The following VPS13B variants were observed in gnomAD, a reference collection of about 807,000 sequenced individuals.
The protein encoded by VPS13B is intermembrane lipid transfer protein VPS13B.
In VPS13B, 285 loss-of-function variants were observed where a neutral mutation model predicts 426.4. That is an observed-to-expected ratio of 0.67 (90% CI 0.61 to 0.74). The LOEUF (loss-of-function observed/expected upper bound fraction) is 0.74, where lower values mean the gene tolerates loss of function less well. VPS13B is among the 30% of genes least tolerant of loss of function. The pLI, the probability that VPS13B is intolerant of heterozygous loss-of-function variation, is 0.00. For synonymous variants in VPS13B, 1,676 were observed against 1,676.4 expected (o/e 1.00, Z 0.01); for missense variants, 4,537 against 4,782.6 (o/e 0.95, Z 1.51).
intron 2 of VPS13B, among the ~76,000 whole-genome samples, chr8:99,030,867 C>G (rs1842478218): frequency 6.6e-6 from 1 of 152,026 alleles, no homozygotes; most frequent in African/African-American, 2.4e-5. Context: ...TAGTAGTGTA[C>G]TAATTTGATA....
At chr8:99,509,135 A>G (rs1330394497) in intron 28 of VPS13B, among the ~76,000 whole-genome samples, 1 of 152,138 alleles carries the variant, frequency 6.6e-6, no homozygotes, top group African/African-American at 2.4e-5. Context: ...AGACAACATC[A>G]CTGTGATCAC....
At chr8:99,308,750 C>T (rs188385005) in intron 19 of VPS13B, among the ~76,000 whole-genome samples, 5 of 152,258 alleles carry the variant, frequency 3.3e-5, no homozygotes, top group African/African-American at 7.2e-5. Context: ...CCTGAGGAAT[C>T]GCCACACTGT....
At chr8:99,770,121 T>A (rs1272038934) in intron 40 of VPS13B, among the ~76,000 whole-genome samples, 1 of 152,116 alleles carries the variant, frequency 6.6e-6, no homozygotes, top group Non-Finnish European at 1.5e-5. Flanking sequence ...ATCACACCAC[T>A]GCACTCCAGC....
intron 33 of VPS13B, among the ~76,000 whole-genome samples, chr8:99,600,197 G>T (rs570731495): frequency 3.9e-5 from 6 of 152,012 alleles, no homozygotes; most frequent in Non-Finnish European, 8.8e-5. Flanking sequence ...TTTTATATAG[G>T]TTAACTCCTT....
intron 31 of VPS13B, among the ~76,000 whole-genome samples, chr8:99,572,692 T>C (rs1351255445): frequency 6.6e-6 from 1 of 152,194 alleles, no homozygotes; most frequent in Admixed American, 6.5e-5. Flanking sequence ...TTTCTTAATC[T>C]AGTCTATCAT....
intron 42 of VPS13B, among the ~76,000 whole-genome samples, chr8:99,782,329 G>C (rs1024049334): frequency 3.3e-5 from 5 of 151,978 alleles, no homozygotes; most frequent in Admixed American, 6.6e-5. Context: ...AAACTGTAAA[G>C]AATAAAAACT....
intron 39 of VPS13B, among the ~76,000 whole-genome samples, chr8:99,751,520 G>T (rs1032209689): frequency 6.6e-6 from 1 of 152,130 alleles, no homozygotes; most frequent in African/African-American, 2.4e-5. Flanking sequence ...ACGTTTGTAA[G>T]TTCTATGAAG....
At chr8:99,523,409 G>A (rs559045502) in intron 30 of VPS13B, among the ~76,000 whole-genome samples, 2 of 152,330 alleles carry the variant, frequency 1.3e-5, no homozygotes, top group Admixed American at 1.3e-4. Context: ...GGCATTGGGT[G>A]GGACCCAGTG....
intron 22 of VPS13B, 44 bp downstream of exon 22, chr8:99,431,708 C>T: frequency 6.3e-7 from 1 of 1,578,554 alleles, no homozygotes; most frequent in Non-Finnish European, 8.6e-7. Flanking sequence ...TTTCTATAAT[C>T]CTTTTTAATT....
chr8:99,387,202 A>G (rs1405791980), intron 20 of VPS13B, among the ~76,000 whole-genome samples: 1 of 152,032 alleles, frequency 6.6e-6, no homozygotes, highest in Non-Finnish European at 1.5e-5. Context: ...TGGGTATAAA[A>G]TTTGCATTTT....
At chr8:99,423,428 T>TG in intron 21 of VPS13B, among the ~76,000 whole-genome samples, 1 of 148,798 alleles carries the variant, frequency 6.7e-6, no homozygotes, top group East Asian at 2.0e-4. Context: ...AGCTAATTTT[T>TG]TTTTTTTTTT....
At position 99,135,599 on chromosome 8, in the gene VPS13B, G is replaced by T. The variant is rs1272904056; in HGVS notation, c.1429G>T (p.Ala477Ser). The T allele has an allele frequency of 6.2e-7, 1 of 1,612,816 alleles. No homozygotes were observed. Among genetic ancestry groups the T allele is most frequent in the Non-Finnish European group, 8.5e-7 (1 of 1,179,282 alleles). Residue 477 changes from alanine (A) to serine (S), a missense_variant, in exon 11 of 62, where the codon GCC becomes TCC. By Grantham distance (99) the Ala-to-Ser change is moderately conservative. This residue lies in a region of VPS13B where 4,311 missense variants were observed against 4,474.3 expected (regional missense o/e 0.96). Coordinates refer to ENST00000357162, the MANE Select transcript of VPS13B (RefSeq NM_152564.5). ...TAAATTTTGCATTTGTTTTCAGGAA[G>T]CCTGTTTCTTCATTTGTGGTGACAA... ...EENMNRSETE[A>S]CFFICGDNLS...
chr8:99,029,498 G>A (rs544405897), intron 2 of VPS13B, among the ~76,000 whole-genome samples: 126 of 152,230 alleles, frequency 8.3e-4, no homozygotes, highest in Non-Finnish European at 3.2e-4. Flanking sequence ...AGCACTGAGT[G>A]AACGAGACTC....
intron 2 of VPS13B, among the ~76,000 whole-genome samples, chr8:99,028,549 G>A (rs1294689262): frequency 8.8e-6 from 1 of 114,248 alleles, no homozygotes; most frequent in Admixed American, 7.9e-5. Flanking sequence ...CCTCCCGGAC[G>A]GGGCGGCTGG....
In VPS13B at chr8:99,128,598, A is replaced by G. The variant is rs1269151591; in HGVS notation, c.1207-6034A>G. Among the ~76,000 whole-genome samples, 6 of 151,686 alleles carry G rather than the reference A, an allele frequency of 4.0e-5. No individual in the cohort carries two copies. The East Asian group carries it at 9.6e-4, about 24-fold the overall frequency. On this transcript the variant is annotated intron_variant, in intron 8 of 61. Transcript: ENST00000357162. ...TTTTTCAGGTTTTGTTTCCTCTCCA[A>G]TTTCATTTTTTGTGGGTTTATTATT... is the stretch of plus-strand genomic sequence containing the variant.
chr8:99,527,293 T>G (rs1213855203), intron 30 of VPS13B, among the ~76,000 whole-genome samples: 1 of 152,096 alleles, frequency 6.6e-6, no homozygotes, highest in Non-Finnish European at 1.5e-5. Flanking sequence ...TATATGAATT[T>G]GTACTTTGTT....
intron 17 of VPS13B, among the ~76,000 whole-genome samples, chr8:99,252,752 G>A (rs1350539529): frequency 1.3e-5 from 2 of 151,932 alleles, no homozygotes; most frequent in East Asian, 1.9e-4. Context: ...CAGAGGATTG[G>A]CTCTTATAAT....
chr8:99,704,462 G>C (rs1832415597), intron 36 of VPS13B, among the ~76,000 whole-genome samples: 1 of 152,156 alleles, frequency 6.6e-6, no homozygotes, highest in Non-Finnish European at 1.5e-5. Context: ...GTTAGCCTAA[G>C]GGGAAATAAA....
At chr8:99,738,947 A>G (rs1833949060) in intron 39 of VPS13B, among the ~76,000 whole-genome samples, 1 of 152,214 alleles carries the variant, frequency 6.6e-6, no homozygotes, top group African/African-American at 2.4e-5. Context: ...TACCAGGTTC[A>G]TCTCACTGGG....
Sources: allele counts gnomAD v4.1 joint callset (sites outside exome capture counted in the v4.1 genomes callset), GRCh38; gene constraint gnomAD v4.1.1; regional missense constraint gnomAD v4.1.1; transcripts MANE v1.5; gene names NCBI Gene and HGNC (gene_info 2026-07-23, HGNC 2026-07-21).